Variants in PTPRD observed in about 807,000 individuals in gnomAD.
The protein encoded by PTPRD is receptor-type tyrosine-protein phosphatase delta.
A neutral mutation model predicts 214.5 loss-of-function variants in PTPRD; 34 were observed. The ratio of observed to expected loss-of-function variants is 0.16; its 90% CI spans 0.12 to 0.21. PTPRD has a LOEUF of 0.21. Ranked by LOEUF, PTPRD falls within the 10% of genes least tolerant of loss-of-function variation. The pLI, the probability that PTPRD is intolerant of heterozygous loss-of-function variation, is 1.00. For synonymous variants in PTPRD, 1,128 were observed against 845.7 expected, an observed-to-expected ratio of 1.33 and a Z score of -5.79; for missense variants, 2,545 against 2,398.7, an observed-to-expected ratio of 1.06 and a Z score of -1.27.
At chr9:8,825,109 G>C (rs776261418) in intron 11 of PTPRD, among the ~76,000 whole-genome samples, 1 of 152,106 alleles carries the variant, frequency 6.6e-6, no homozygotes, top group Non-Finnish European at 1.5e-5. Flanking sequence ...AAATATTTAT[G>C]AGTTGGGTAA....
intron 2 of PTPRD, among the ~76,000 whole-genome samples, chr9:10,403,904 C>T (rs142787367): frequency 4.6e-5 from 7 of 151,560 alleles, no homozygotes; most frequent in African/African-American, 7.2e-5. Flanking sequence ...ATACTCTGTA[C>T]GATACTATAA....
intron 2 of PTPRD, among the ~76,000 whole-genome samples, chr9:10,353,612 T>C (rs2097218831): frequency 6.6e-6 from 1 of 151,946 alleles, no homozygotes; most frequent in African/African-American, 2.4e-5. Context: ...ATAGAGTCTC[T>C]TAAAGACTGC....
chr9:10,004,952 C>G (rs1034541157), intron 4 of PTPRD, among the ~76,000 whole-genome samples: 3 of 152,074 alleles, frequency 2.0e-5, no homozygotes, highest in African/African-American at 7.2e-5. Flanking sequence ...TTAAAATTAA[C>G]TAACTCAAAA....
At chr9:8,330,328 G>A (rs879027232) in intron 44 of PTPRD, among the ~76,000 whole-genome samples, 3 of 152,004 alleles carry the variant, frequency 2.0e-5, no homozygotes, top group Non-Finnish European at 2.9e-5. Context: ...TCCAGCTCTT[G>A]TAAGTACATT....
chr9:8,995,141 T>A (rs2099391663), intron 11 of PTPRD, among the ~76,000 whole-genome samples: 1 of 152,068 alleles, frequency 6.6e-6, no homozygotes, highest in East Asian at 1.9e-4. Context: ...GGCATTTTTT[T>A]AAAAGGAGGA....
At chr9:9,978,506 C>T (rs140996226) in intron 4 of PTPRD, among the ~76,000 whole-genome samples, 3 of 151,490 alleles carry the variant, frequency 2.0e-5, no homozygotes, top group African/African-American at 4.9e-5. Context: ...AACTGAAACA[C>T]GGAAATAAAT....
intron 3 of PTPRD, among the ~76,000 whole-genome samples, chr9:10,122,688 T>C (rs1485025500): frequency 6.6e-6 from 1 of 152,200 alleles, no homozygotes; most frequent in Non-Finnish European, 1.5e-5. Flanking sequence ...AATTTATGCA[T>C]CTAAATCACA....
chr9:10,572,225 T>C (rs1184429535), intron 2 of PTPRD, among the ~76,000 whole-genome samples: 1 of 152,140 alleles, frequency 6.6e-6, no homozygotes, highest in East Asian at 1.9e-4. Context: ...TTAGGGGCTA[T>C]ATAGGGAAAT....
intron 9 of PTPRD, among the ~76,000 whole-genome samples, chr9:9,217,283 T>A (rs890563560): frequency 1.3e-5 from 2 of 152,156 alleles, no homozygotes; most frequent in East Asian, 3.9e-4. Context: ...GTATAAGAAT[T>A]AAATGAGTAT....
At chr9:8,977,640 T>A (rs2099275440) in intron 11 of PTPRD, among the ~76,000 whole-genome samples, 1 of 151,050 alleles carries the variant, frequency 6.6e-6, no homozygotes. Flanking sequence ...TAAAAATTTA[T>A]CTATACTATT....
rs999814597 is a variant in PTPRD, at chr9:10,303,468, C to T, written c.-545+37495G>A. On this transcript the variant is annotated intron_variant, in intron 3 of 45. Transcript: ENST00000381196. Reference sequence around the variant, plus strand: ...AAAAACCTTCAAAAAATAAATTAATCCAGGAGCTGTTTTTTATAAAAGATC... The same window carrying T: ...AAAAACCTTCAAAAAATAAATTAATTCAGGAGCTGTTTTTTATAAAAGATC... Among the ~76,000 whole-genome samples the T allele has an allele frequency of 5.3e-5, 8 of 151,954 alleles. No individual in the cohort carries two copies. In the South Asian group the frequency reaches 1.0e-3, roughly 20 times the overall value.
intron 7 of PTPRD, among the ~76,000 whole-genome samples, chr9:9,630,354 CCT>C (rs1262832327): frequency 1.3e-5 from 2 of 152,092 alleles, no homozygotes; most frequent in Non-Finnish European, 2.9e-5. Context: ...CCTGATTTCC[CCT>C]CTCATTAACC....
intron 11 of PTPRD, among the ~76,000 whole-genome samples, chr9:8,775,842 G>A (rs202095661): frequency 7.5e-5 from 11 of 146,500 alleles, no homozygotes; most frequent in African/African-American, 2.5e-5. Flanking sequence ...TTTGAAAATG[G>A]AAAAAAAAAA....
intron 2 of PTPRD, among the ~76,000 whole-genome samples, chr9:10,562,617 T>A (rs2064319946): frequency 6.6e-6 from 1 of 152,140 alleles, no homozygotes; most frequent in Non-Finnish European, 1.5e-5. Flanking sequence ...TTCAGAAAGT[T>A]AATACGTCAT....
rs544058485 is a variant in PTPRD at position 10,108,447 on chromosome 9, T to A, written c.-544-74657A>T. Among the ~76,000 whole-genome samples the A allele has an allele frequency of 7.8e-4, 119 of 152,198 alleles. 2 individuals carry two copies. The South Asian group carries it at 0.023, about 29-fold the overall frequency. On this transcript the variant is annotated intron_variant, in intron 3 of 45. Transcript: ENST00000381196. Reference sequence around the variant, plus strand: ...TCTGTCTAACTGAAATTTTGTATTTTTTTTTACCATCTCTCTAATCCCCAG... The same window carrying A: ...TCTGTCTAACTGAAATTTTGTATTTATTTTTACCATCTCTCTAATCCCCAG...
At chr9:8,682,247 A>G (rs2097565442) in intron 12 of PTPRD, among the ~76,000 whole-genome samples, 2 of 152,196 alleles carry the variant, frequency 1.3e-5, no homozygotes, top group African/African-American at 4.8e-5. Flanking sequence ...AAGAATGTAA[A>G]TTTATTTATT....
intron 10 of PTPRD, among the ~76,000 whole-genome samples, chr9:9,066,666 G>A (rs979531126): frequency 2.0e-5 from 3 of 152,124 alleles, no homozygotes; most frequent in African/African-American, 4.8e-5. Context: ...TTGTAAGAGA[G>A]AGGCAGACGA....
chr9:8,835,403 C>T (rs2097396326), intron 11 of PTPRD, among the ~76,000 whole-genome samples: 1 of 152,218 alleles, frequency 6.6e-6, no homozygotes, highest in African/African-American at 2.4e-5. Flanking sequence ...ACTCTTCTTG[C>T]CCAGAGAGTC....
At chr9:9,649,074 G>C (rs575569845) in intron 7 of PTPRD, among the ~76,000 whole-genome samples, 3 of 152,272 alleles carry the variant, frequency 2.0e-5, no homozygotes, top group African/African-American at 4.8e-5. Flanking sequence ...TTGGGCGAGA[G>C]TTTGGGAGGT....
Sources: gnomAD v4.1 joint callset for allele counts (sites outside exome capture counted in the v4.1 genomes callset) on GRCh38, gnomAD v4.1.1 for gene constraint, MANE v1.5 for transcripts, NCBI Gene and HGNC (gene_info 2026-07-23, HGNC 2026-07-21) for gene names.